The following TSHR variants were observed in gnomAD, a reference collection of about 807,000 sequenced individuals.
TSHR encodes thyroid stimulating hormone receptor.
A neutral mutation model predicts 64.1 loss-of-function variants in TSHR; 51 were observed. The ratio of observed to expected loss-of-function variants is 0.80; its 90% CI spans 0.64 to 1.01. The LOEUF (loss-of-function observed/expected upper bound fraction) is 1.01. TSHR is among the 50% of genes least tolerant of loss of function. TSHR has a pLI of 0.00. For missense variants in TSHR, 877 were observed against 942.8 expected (o/e 0.93, Z 0.91); for synonymous variants, 361 against 361.9 (o/e 1.00, Z 0.03).
At chr14:81,021,607 A>T (rs765233342) in intron 1 of TSHR, among the ~76,000 whole-genome samples, 13 of 152,180 alleles carry the variant, frequency 8.5e-5, no homozygotes, top group Non-Finnish European at 1.5e-5. Context: ...TTGTTGTTAG[A>T]TACTGAGACC....
chr14:81,083,194 G>A lies in TSHR; in HGVS notation c.318-4760G>A, dbSNP rs1351559358. Among the ~76,000 whole-genome samples, 5 of 152,194 alleles carry A rather than the reference G, an allele frequency of 3.3e-5. No homozygotes were observed. In the East Asian group the frequency reaches 7.7e-4, roughly 24 times the overall value. On this transcript the variant is annotated intron_variant, in intron 3 of 9. Coordinates refer to ENST00000298171, the MANE Select transcript of TSHR (RefSeq NM_000369.5). The stretch of plus-strand genomic sequence containing the variant: ...TGCCTGCTGCAATGCTAGTCGTAAC[G>A]GGAAAGCCAGATGTCCTGTGCTACG...
chr14:81,020,940 TACA>T (rs1450980324), intron 1 of TSHR, among the ~76,000 whole-genome samples: 2 of 151,928 alleles, frequency 1.3e-5, no homozygotes, highest in African/African-American at 4.8e-5. Context: ...AAAATGAGAT[TACA>T]GAGTAGACTG....
chr14:81,067,062 A>G (rs1886667808), intron 2 of TSHR, among the ~76,000 whole-genome samples: 1 of 152,132 alleles, frequency 6.6e-6, no homozygotes, highest in African/African-American at 2.4e-5. Context: ...TTTTGCTTAC[A>G]AAGTTTAAGA....
intron 1 of TSHR, among the ~76,000 whole-genome samples, chr14:81,020,742 T>G (rs1220917324): frequency 3.3e-5 from 5 of 152,236 alleles, no homozygotes; most frequent in Admixed American, 2.6e-4. Context: ...AGTGAGTTGA[T>G]GTACTTCAAT....
intron 1 of TSHR, among the ~76,000 whole-genome samples, chr14:81,058,147 C>A (rs1162013787): frequency 6.6e-6 from 1 of 152,158 alleles, no homozygotes; most frequent in African/African-American, 2.4e-5. Flanking sequence ...ACTGCAAGAA[C>A]CAAAAAGAGA....
At chr14:81,046,062 A>G (rs1885155036) in intron 1 of TSHR, among the ~76,000 whole-genome samples, 1 of 152,158 alleles carries the variant, frequency 6.6e-6, no homozygotes, top group African/African-American at 2.4e-5. Flanking sequence ...TAACCTCAAA[A>G]TTTCAGAACA....
rs61742289 is a variant in TSHR at position 81,143,779 on chromosome 14, C to G, written c.1721C>G (p.Thr574Ser). 3.0e-4 allele frequency: 480 copies of G among 1,614,126 alleles called. 4 individuals are homozygous for G. The African/African-American group carries it at 5.8e-3, about 19-fold the overall frequency. The change falls in exon 10 of 10, where the codon ACC (threonine) becomes AGC (serine). Residue 574 changes from threonine to serine, a missense_variant. Coordinates refer to ENST00000298171, the MANE Select transcript of TSHR (RefSeq NM_000369.5). ...GTCAGTATCTGCCTGCCCATGGACA[C>G]CGAGACCCCTCTTGCTCTGGCATAT... ...AKVSICLPMD[T>S]ETPLALAYIV...
chr14:81,029,474 T>C (rs1488134207), intron 1 of TSHR, among the ~76,000 whole-genome samples: 7 of 152,072 alleles, frequency 4.6e-5, no homozygotes, highest in Admixed American at 1.3e-4. Flanking sequence ...CTGATTTGGA[T>C]TGTTACAGTT....
At chr14:81,022,401 G>A (rs1005946492) in intron 1 of TSHR, among the ~76,000 whole-genome samples, 2 of 152,252 alleles carry the variant, frequency 1.3e-5, no homozygotes, top group Non-Finnish European at 2.9e-5. Context: ...GGCTGTGGCT[G>A]AGGGGGTGTC....
chr14:81,006,706 G>A lies in TSHR; in HGVS notation c.170+50856G>A, dbSNP rs533715943. Among the ~76,000 whole-genome samples, 4 of 151,948 alleles carry A rather than the reference G, an allele frequency of 2.6e-5. No individual in the cohort carries two copies. The East Asian group carries it at 7.7e-4, about 29-fold the overall frequency. ...TTTTGTATTTTTTTAGTAGAAATGG[G>A]GTTTCACCATGTTGCCCAGGATGGT... is the stretch of plus-strand genomic sequence containing the variant. On this transcript the variant is annotated intron_variant, in intron 1 of 9. Coordinates refer to ENST00000298171, the MANE Select transcript of TSHR (RefSeq NM_000369.5).
intron 1 of TSHR, among the ~76,000 whole-genome samples, chr14:81,034,350 G>A (rs1474142525): frequency 6.6e-6 from 1 of 152,168 alleles, no homozygotes; most frequent in African/African-American, 2.4e-5. Context: ...TCTAAGTGGG[G>A]TGCAGTGGCA....
chr14:81,012,603 T>A (rs1254778027), intron 1 of TSHR: 1 of 152,202 alleles, frequency 6.6e-6, no homozygotes. Context: ...CCAGGACTTG[T>A]TGTTTCCTGA....
chr14:81,067,412 G>A (rs974006672), intron 2 of TSHR, among the ~76,000 whole-genome samples: 3 of 150,808 alleles, frequency 2.0e-5, no homozygotes, highest in African/African-American at 7.3e-5. Context: ...ACAGTCTAGT[G>A]AGACAACAGA....
chr14:81,053,600 T>C (rs1352769484), intron 1 of TSHR: 1 of 152,198 alleles, frequency 6.6e-6, no homozygotes, highest in Non-Finnish European at 1.5e-5. Context: ...TGACTGGAAC[T>C]CCTATAGATC....
At chr14:80,962,415 G>T (rs1032044672) in intron 1 of TSHR, among the ~76,000 whole-genome samples, 1 of 152,158 alleles carries the variant, frequency 6.6e-6, no homozygotes, top group Non-Finnish European at 1.5e-5. Flanking sequence ...TCCTCTGAAG[G>T]CTCTTGGGAC....
intron 3 of TSHR, among the ~76,000 whole-genome samples, chr14:81,077,844 T>C (rs1887611260): frequency 6.6e-6 from 1 of 152,204 alleles, no homozygotes; most frequent in African/African-American, 2.4e-5. Flanking sequence ...TTTTTAGTCC[T>C]TTGCAAATTT....
chr14:81,063,678 G>A (rs967052614), intron 2 of TSHR, among the ~76,000 whole-genome samples: 2 of 152,092 alleles, frequency 1.3e-5, no homozygotes, highest in African/African-American at 4.8e-5. Flanking sequence ...GCCCTACTTT[G>A]TGCCTGGCAC....
At chr14:81,077,458 T>A (rs1268614180) in intron 3 of TSHR, among the ~76,000 whole-genome samples, 1 of 152,216 alleles carries the variant, frequency 6.6e-6, no homozygotes, top group East Asian at 1.9e-4. Flanking sequence ...GCATTTACCA[T>A]ATCCCAAGCA....
chr14:81,068,573 T>A, intron 3 of TSHR: 1 of 477,384 alleles, frequency 2.1e-6, no homozygotes, highest in Non-Finnish European at 3.9e-6. Context: ...ATCTGTTCTA[T>A]TACTACTGTG....
Sources: allele counts gnomAD v4.1 joint callset (sites outside exome capture counted in the v4.1 genomes callset), GRCh38; gene constraint gnomAD v4.1.1; transcripts MANE v1.5; gene names NCBI Gene and HGNC (gene_info 2026-07-23, HGNC 2026-07-21).